Variants in CLUAP1 observed in about 807,000 individuals in gnomAD.
CLUAP1 encodes the protein clusterin-associated protein 1.
In CLUAP1, 50 loss-of-function variants were observed where a neutral mutation model predicts 55.0. That is an observed-to-expected ratio of 0.91 (90% CI 0.72 to 1.15). CLUAP1 has a LOEUF of 1.15. CLUAP1 is among the 50% of genes most tolerant of loss of function. The pLI, the probability that CLUAP1 is intolerant of heterozygous loss-of-function variation, is 0.00. For missense variants in CLUAP1, 530 were observed against 507.6 expected (o/e 1.04, Z -0.42); for synonymous variants, 195 against 175.4 (o/e 1.11, Z -0.88).
chr16:3,512,099 T>G (rs920154417), intron 4 of CLUAP1, among the ~76,000 whole-genome samples: 3 of 151,308 alleles, frequency 2.0e-5, no homozygotes, highest in African/African-American at 7.3e-5. Flanking sequence ...GGCAGGAAAA[T>G]TACTTGAACC....
intron 9 of CLUAP1, among the ~76,000 whole-genome samples, chr16:3,528,596 GC>G (rs1489112782): frequency 1.3e-5 from 2 of 152,162 alleles, no homozygotes; most frequent in African/African-American, 4.8e-5. Context: ...TCAGCTAGGA[GC>G]CCTGGTTTGT....
intron 6 of CLUAP1, 110 bp from the exon 7 acceptor site, chr16:3,519,793 G>T: frequency 9.2e-7 from 1 of 1,085,624 alleles, no homozygotes; most frequent in Non-Finnish European, 1.3e-6. Flanking sequence ...GTTTGCTTTT[G>T]TGTTTGTTGA....
chr16:3,496,433 A>G (rs959655057), upstream of CLUAP1: 2 of 1,042,020 alleles, frequency 1.9e-6, no homozygotes, highest in Admixed American at 3.6e-5. Flanking sequence ...TGGCTGGGAA[A>G]ACAAAACGGC....
At chr16:3,518,599 A>G (rs1041943817) in intron 6 of CLUAP1, among the ~76,000 whole-genome samples, 2 of 152,248 alleles carry the variant, frequency 1.3e-5, no homozygotes, top group African/African-American at 4.8e-5. Context: ...TCGAGGAAAC[A>G]GTTGCCATTA....
rs752251350 is a variant in CLUAP1, at chr16:3,504,762, T to A, written c.65T>A (p.Ile22Asn). 6.2e-7 allele frequency: 1 copy of A among 1,613,474 alleles called. No individual in the cohort carries two copies. The highest frequency in any genetic ancestry group is 8.5e-7 in the Non-Finnish European group (1 of 1,179,356). The change falls in exon 2 of 12, where the codon ATT becomes AAT. Residue 22 changes from isoleucine to asparagine, a missense_variant. By Grantham distance (149) the Ile-to-Asn change is moderately radical. Transcript: ENST00000576634. ...AGAGCCCTGGGATACCCTCGACATA[T>A]TTCTATGGAAAATTTCCGTACACCC... The part of the protein sequence containing the change: ...MMRALGYPRH[I>N]SMENFRTPNF...
intron 2 of CLUAP1, among the ~76,000 whole-genome samples, chr16:3,505,298 AGGCG>A (rs2037481420): frequency 6.6e-6 from 1 of 152,188 alleles, no homozygotes; most frequent in East Asian, 1.9e-4. Flanking sequence ...TGGGAGGCCG[AGGCG>A]GGTGGATCAC....
chr16:3,527,809 T>TCTCTCTGC (rs2037976795), intron 9 of CLUAP1, among the ~76,000 whole-genome samples: 1 of 152,098 alleles, frequency 6.6e-6, no homozygotes, highest in Non-Finnish European at 1.5e-5. Context: ...CTCCTCTCTG[T>TCTCTCTGC]CTCTCTGCCT....
At chr16:3,517,882 C>G (rs1461496341) in intron 6 of CLUAP1, among the ~76,000 whole-genome samples, 1 of 152,114 alleles carries the variant, frequency 6.6e-6, no homozygotes, top group African/African-American at 2.4e-5. Flanking sequence ...TCAAGGAAAG[C>G]TGAGGGGGCA....
At chr16:3,519,821 C>G (rs1248463204) in intron 6 of CLUAP1, 82 bp from the exon 7 acceptor site, 4 of 1,426,000 alleles carry the variant, frequency 2.8e-6, no homozygotes, top group Non-Finnish European at 2.8e-6. Context: ...GTTGCTATGC[C>G]TGAAGAGTTG....
intron 10 of CLUAP1, among the ~76,000 whole-genome samples, chr16:3,531,660 T>C (rs1331659059): frequency 3.3e-5 from 5 of 152,168 alleles, no homozygotes; most frequent in Admixed American, 1.3e-4. Context: ...GGTGGGTGTG[T>C]CTTTACAGAT....
At chr16:3,515,669 GAAC>G in intron 6 of CLUAP1, 78 bp downstream of exon 6, 2 of 972,966 alleles carry the variant, frequency 2.1e-6, no homozygotes, top group South Asian at 3.4e-5. Context: ...ATACAAGACA[GAAC>G]AAGCTAGGCT....
chr16:3,512,745 A>G (rs575735498), intron 5 of CLUAP1, among the ~76,000 whole-genome samples: 5 of 152,160 alleles, frequency 3.3e-5, no homozygotes, highest in South Asian at 2.1e-4. Flanking sequence ...CAGTGGCGCA[A>G]TCTCGTCTCA....
chr16:3,501,825 G>A (rs975047559), intron 1 of CLUAP1, among the ~76,000 whole-genome samples: 2 of 152,130 alleles, frequency 1.3e-5, no homozygotes, highest in African/African-American at 4.8e-5. Context: ...CCGAGGAGAG[G>A]AGGCTGGGTG....
intron 9 of CLUAP1, among the ~76,000 whole-genome samples, chr16:3,527,630 C>T (rs541863681): frequency 9.9e-5 from 15 of 152,234 alleles, no homozygotes; most frequent in African/African-American, 2.2e-4. Flanking sequence ...CGCAGTTATC[C>T]GGAGGCCTAA....
In CLUAP1 at chr16:3,536,369, A is replaced by G. The variant is rs2038232519; in HGVS notation, c.*98A>G. The G allele has an allele frequency of 1.5e-6, 2 of 1,332,092 alleles. No homozygotes were observed. Among genetic ancestry groups the G allele is most frequent in the Non-Finnish European group, 2.1e-6 (2 of 963,166 alleles). The allele number at this position is 1,332,092 out of a possible 1,614,324, so 82.5% of individuals were successfully genotyped here. ...AAGGTAACCCCTGTTTTGTTTACTA[A>G]GCTGGCTGGACTCATGATCACTGAA... On this transcript the variant is annotated 3_prime_UTR_variant, in exon 12 of 12. Coordinates refer to ENST00000576634, the MANE Select transcript of CLUAP1 (RefSeq NM_015041.3).
chr16:3,502,123 T>G (rs1218703215), intron 1 of CLUAP1: 1 of 151,874 alleles, frequency 6.6e-6, no homozygotes, highest in African/African-American at 2.4e-5. Flanking sequence ...GCTAAGAGGG[T>G]GGGGAAGTGG....
chr16:3,517,015 T>C (rs1343424610), intron 6 of CLUAP1, among the ~76,000 whole-genome samples: 1 of 152,090 alleles, frequency 6.6e-6, no homozygotes, highest in East Asian at 1.9e-4. Flanking sequence ...TAGAATGAAA[T>C]AGGAAACCAT....
At chr16:3,522,819 T>C (rs1450609559) in intron 7 of CLUAP1, among the ~76,000 whole-genome samples, 1 of 143,076 alleles carries the variant, frequency 7.0e-6, no homozygotes, top group Non-Finnish European at 1.5e-5. Context: ...TTCCTATCTA[T>C]ATTTATGCAT....
chr16:3,504,756 G>T lies in CLUAP1; in HGVS notation c.59G>T (p.Arg20Leu). Residue 20 changes from arginine to leucine, a missense_variant, in exon 2 of 12, where the codon CGA becomes CTA. By Grantham distance (102) the Arg-to-Leu change is moderately radical. Coordinates refer to ENST00000576634, the MANE Select transcript of CLUAP1 (RefSeq NM_015041.3). ...TEMMRALGYPRHISMENFRTP... is the reference protein window; with the variant it reads ...TEMMRALGYPLHISMENFRTP... The stretch of plus-strand genomic sequence containing the variant: ...ATGATGAGAGCCCTGGGATACCCTC[G>T]ACATATTTCTATGGAAAATTTCCGT... 6.2e-7 allele frequency: 1 copy of T among 1,612,610 alleles called. No individual in the cohort carries two copies. Among genetic ancestry groups the T allele is most frequent in the Non-Finnish European group, 8.5e-7 (1 of 1,178,620 alleles).
Sources: allele counts gnomAD v4.1 joint callset (sites outside exome capture counted in the v4.1 genomes callset), GRCh38; gene constraint gnomAD v4.1.1; transcripts MANE v1.5; gene names NCBI Gene and HGNC (gene_info 2026-07-23, HGNC 2026-07-21).